Variants in ABCC1 observed in about 807,000 individuals in gnomAD.
ABCC1 encodes the protein multidrug resistance-associated protein 1.
ABCC1 carries 83 observed loss-of-function variants against 172.9 expected under a neutral mutation model. The ratio of observed to expected loss-of-function variants is 0.48; its 90% CI spans 0.40 to 0.58. ABCC1 has a LOEUF of 0.58. Ranked by LOEUF, ABCC1 falls within the 20% of genes least tolerant of loss-of-function variation. The pLI, the probability that ABCC1 is intolerant of heterozygous loss-of-function variation, is 0.00. For missense variants in ABCC1, 1,817 were observed against 2,002.7 expected, an observed-to-expected ratio of 0.91 and a Z score of 1.77; for synonymous variants, 937 against 825.2, an observed-to-expected ratio of 1.14 and a Z score of -2.32.
At chr16:16,034,384 C>T (rs890802896) in intron 6 of ABCC1, among the ~76,000 whole-genome samples, 57 of 151,988 alleles carry the variant, frequency 3.8e-4, no homozygotes, top group African/African-American at 1.4e-3. Flanking sequence ...TAAATAATTT[C>T]TTCAAGTTAC....
intron 5 of ABCC1, among the ~76,000 whole-genome samples, chr16:16,030,605 C>T (rs560922223): frequency 1.2e-3 from 178 of 152,056 alleles, no homozygotes; most frequent in Middle Eastern, 0.01. Context: ...CTCAAATTGT[C>T]CCTCTTTTAG....
In ABCC1 at chr16:15,949,639, T is replaced by TAGCGCC. The variant is rs1225897845; in HGVS notation, c.-109_-104dup. 5.2e-5 allele frequency: 10 copies of TAGCGCC among 192,946 alleles called. No individual in the cohort carries two copies. Among genetic ancestry groups the TAGCGCC allele is most frequent in the Non-Finnish European group, 6.0e-5 (9 of 150,646 alleles). The allele number at this position is 192,946 out of a possible 1,614,324, so 12.0% of individuals were successfully genotyped here. The stretch of plus-strand genomic sequence containing the variant: ...CCGCCGCCGCCGCCGCCGCCAGCGC[T>TAGCGCC]AGCGCCAGCAGCCGGGCCCGATCAC... On this transcript the variant is annotated 5_prime_UTR_variant, in exon 1 of 31. Coordinates refer to ENST00000399410, the MANE Select transcript of ABCC1 (RefSeq NM_004996.4).
intron 3 of ABCC1, among the ~76,000 whole-genome samples, chr16:16,011,313 G>C (rs752628461): frequency 6.6e-6 from 1 of 152,054 alleles, no homozygotes; most frequent in African/African-American, 2.4e-5. Context: ...TGTCCAGGGA[G>C]GGGTGGAAGG....
intron 1 of ABCC1, among the ~76,000 whole-genome samples, chr16:15,975,853 G>T (rs1051430284): frequency 6.6e-6 from 1 of 152,116 alleles, no homozygotes; most frequent in Non-Finnish European, 1.5e-5. Flanking sequence ...GCCACACCTG[G>T]CCACCTTTTA....
At chr16:16,110,899 T>TGC (rs2052357210) in intron 21 of ABCC1, among the ~76,000 whole-genome samples, 1 of 152,022 alleles carries the variant, frequency 6.6e-6, no homozygotes, top group African/African-American at 2.4e-5. Context: ...GCAGAGACCC[T>TGC]GAGTTTGTCT....
intron 12 of ABCC1, chr16:16,056,510 T>C: frequency 1.7e-6 from 1 of 582,320 alleles, no homozygotes; most frequent in Non-Finnish European, 3.0e-6. Flanking sequence ...CTACTAAAAA[T>C]ACAAAAAAAT....
At chr16:16,064,391 G>A (rs1004025816) in intron 12 of ABCC1, among the ~76,000 whole-genome samples, 1 of 152,186 alleles carries the variant, frequency 6.6e-6, no homozygotes, top group African/African-American at 2.4e-5. Flanking sequence ...TGCGTCTCAG[G>A]GTTGCCAAGC....
intron 5 of ABCC1, among the ~76,000 whole-genome samples, chr16:16,029,314 C>T (rs1457089259): frequency 1.3e-5 from 2 of 152,146 alleles, no homozygotes; most frequent in African/African-American, 4.8e-5. Context: ...CCTCTGCCTC[C>T]CGGGTTCAAG....
intron 5 of ABCC1, among the ~76,000 whole-genome samples, chr16:16,019,211 C>G (rs923876822): frequency 2.0e-5 from 3 of 152,084 alleles, no homozygotes; most frequent in African/African-American, 4.8e-5. Context: ...TCAAGCGATT[C>G]TTCTGCTTCA....
chr16:16,072,498 C>A, intron 14 of ABCC1, among the ~76,000 whole-genome samples: 1 of 71,724 alleles, frequency 1.4e-5, no homozygotes, highest in Non-Finnish European at 2.9e-5. Context: ...TTTTTTTTTT[C>A]AATATTAAAT....
At chr16:16,132,682 T>C (rs566576975) in intron 27 of ABCC1, among the ~76,000 whole-genome samples, 29 of 151,672 alleles carry the variant, frequency 1.9e-4, no homozygotes, top group Admixed American at 5.9e-4. Flanking sequence ...CCACCATGCC[T>C]AGCTAATTTT....
Position 16,083,438 on chromosome 16 carries a change from T to G in ABCC1, c.2188T>G (p.Cys730Gly). 3 of 1,613,994 alleles carry G rather than the reference T, an allele frequency of 1.9e-6. No individual in the cohort carries two copies. The highest frequency in any genetic ancestry group is 2.5e-6 in the Non-Finnish European group (3 of 1,180,042). Reference sequence around the variant, plus strand: ...TCTCCGAGAAAACATCCTTTTTGGATGTCAGCTGGAGGAACCATATTACAG... The same window carrying G: ...TCTCCGAGAAAACATCCTTTTTGGAGGTCAGCTGGAGGAACCATATTACAG... ...DSLRENILFG[C>G]QLEEPYYRSV... The change falls in exon 17 of 31, where the codon TGT (cysteine) becomes GGT (glycine). Residue 730 changes from cysteine to glycine, a missense_variant. Coordinates refer to ENST00000399410, the MANE Select transcript of ABCC1 (RefSeq NM_004996.4).
intron 7 of ABCC1, among the ~76,000 whole-genome samples, chr16:16,040,745 C>T (rs2048944656): frequency 6.6e-6 from 1 of 152,046 alleles, no homozygotes; most frequent in Non-Finnish European, 1.5e-5. Flanking sequence ...GCCTCAGCCT[C>T]CCAAATAGCT....
intron 27 of ABCC1, among the ~76,000 whole-genome samples, chr16:16,133,952 A>G (rs1193075240): frequency 1.3e-5 from 2 of 152,190 alleles, no homozygotes; most frequent in Admixed American, 6.5e-5. Flanking sequence ...AGATATTTCA[A>G]CAACTCATGA....
At chr16:16,016,414 A>G (rs1187487970) in intron 4 of ABCC1, 82 bp from the exon 5 acceptor site, 14 of 1,565,254 alleles carry the variant, frequency 8.9e-6, no homozygotes, top group Middle Eastern at 1.7e-4. Context: ...TCGGCCTCCA[A>G]AAGTGCTAGG....
Position 16,121,375 on chromosome 16 carries a change from G to C in ABCC1, c.3391-600G>C, listed in dbSNP as rs1355319144. On this transcript the variant is annotated intron_variant, in intron 23 of 30. Transcript: ENST00000399410. ...CTTGTTGTTCCCATTTTACAGATAAGGAAACTGAGGCTTAGAGAAGTAAAG... is the reference window on the plus strand; with the variant it reads ...CTTGTTGTTCCCATTTTACAGATAACGAAACTGAGGCTTAGAGAAGTAAAG... 2.6e-5 allele frequency among the ~76,000 whole-genome samples: 4 copies of C among 152,168 alleles called. No individual in the cohort carries two copies. In the East Asian group the frequency reaches 7.7e-4, roughly 29 times the overall value.
At chr16:16,117,971 C>T (rs968519945) in intron 23 of ABCC1, among the ~76,000 whole-genome samples, 2 of 152,202 alleles carry the variant, frequency 1.3e-5, no homozygotes, top group East Asian at 3.8e-4. Context: ...GTCTCTGCTG[C>T]ATCCCTTCTG....
intron 7 of ABCC1, among the ~76,000 whole-genome samples, chr16:16,036,877 A>G (rs1008799334): frequency 6.6e-6 from 1 of 152,168 alleles, no homozygotes; most frequent in African/African-American, 2.4e-5. Flanking sequence ...AGGCCAAGGC[A>G]GGCGGATCAC....
intron 6 of ABCC1, among the ~76,000 whole-genome samples, chr16:16,035,075 C>G (rs2151839349): frequency 6.6e-6 from 1 of 152,230 alleles, no homozygotes; most frequent in South Asian, 2.1e-4. Context: ...TATTTTAGAA[C>G]AAAACATGAA....
Sources: gnomAD v4.1 joint callset for allele counts (sites outside exome capture counted in the v4.1 genomes callset) on GRCh38, gnomAD v4.1.1 for gene constraint, MANE v1.5 for transcripts, NCBI Gene and HGNC (gene_info 2026-07-23, HGNC 2026-07-21) for gene names.